Variants in NEK4 observed in about 807,000 individuals in gnomAD.
The protein encoded by NEK4 is NIMA related kinase 4.
In NEK4, 86 loss-of-function variants were observed where a neutral mutation model predicts 98.4. The observed-to-expected ratio is 0.87, with a 90% CI of 0.73 to 1.05. The LOEUF (loss-of-function observed/expected upper bound fraction) is 1.05. Among genes scored for constraint, NEK4 ranks in the 50% least tolerant of loss-of-function variants. The pLI, the probability that NEK4 is intolerant of heterozygous loss-of-function variation, is 0.00. For synonymous variants in NEK4, 328 were observed against 342.2 expected, an observed-to-expected ratio of 0.96 and a Z score of 0.46; for missense variants, 898 against 950.3, an observed-to-expected ratio of 0.94 and a Z score of 0.72.
chr3:52,748,163 T>A lies in NEK4; in HGVS notation c.1507-1259A>T, dbSNP rs1024824696. Among the ~76,000 whole-genome samples the A allele has an allele frequency of 7.9e-5, 12 of 151,536 alleles. No individual in the cohort carries two copies. The East Asian group carries it at 2.1e-3, about 27-fold the overall frequency. On this transcript the variant is annotated intron_variant, in intron 8 of 15. Transcript: ENST00000233027. ...TTTGTATTTTTAGTAGAGACGGCGT[T>A]TCACTGTGTTAGCCAGGATGGTCTC...
Position 52,710,214 on chromosome 3 carries a change from A to AATT in NEK4, c.*1560_*1562dup, listed in dbSNP as rs1410075685. 6.6e-6 allele frequency: 1 copy of AATT among 151,554 alleles called. No individual in the cohort carries two copies. Among genetic ancestry groups the AATT allele is most frequent in the Non-Finnish European group, 1.5e-5 (1 of 67,880 alleles). 9.4% of individuals were successfully genotyped at this position (151,554 alleles called of 1,614,324 possible). ...TGTCTCTACTAAAAAAATACAAAAA[A>AATT]ATTAGCCGGGCATGGTGGCGGGCAA... On this transcript the variant is annotated 3_prime_UTR_variant, in exon 16 of 16. Transcript: ENST00000233027.
intron 15 of NEK4, among the ~76,000 whole-genome samples, chr3:52,714,559 A>G (rs1187807727): frequency 6.6e-6 from 1 of 152,118 alleles, no homozygotes; most frequent in Non-Finnish European, 1.5e-5. Context: ...AGCTGTGGGG[A>G]GGGCAAGGGG....
At chr3:52,733,906 A>G (rs1313181312) in intron 15 of NEK4, 1 of 288,734 alleles carries the variant, frequency 3.5e-6, no homozygotes, top group African/African-American at 2.2e-5. Flanking sequence ...CATAGCTAAC[A>G]CAACATTGGA....
chr3:52,718,995 G>A (rs1474675402), intron 15 of NEK4, among the ~76,000 whole-genome samples: 1 of 152,176 alleles, frequency 6.6e-6, no homozygotes, highest in African/African-American at 2.4e-5. Flanking sequence ...AACCTCAGGT[G>A]ATCTGCCCGC....
At chr3:52,714,996 C>T (rs2097353836) in intron 15 of NEK4, among the ~76,000 whole-genome samples, 3 of 152,214 alleles carry the variant, frequency 2.0e-5, no homozygotes, top group Admixed American at 1.3e-4. Flanking sequence ...CACTGGCCTG[C>T]ACGTGTACCG....
intron 12 of NEK4, among the ~76,000 whole-genome samples, chr3:52,741,972 G>A (rs567469223): frequency 6.6e-6 from 1 of 152,196 alleles, no homozygotes; most frequent in Admixed American, 6.5e-5. Context: ...TAGAGACAGG[G>A]TTTCACCATG....
intron 15 of NEK4, among the ~76,000 whole-genome samples, chr3:52,729,390 C>A (rs754200084): frequency 6.6e-6 from 1 of 151,782 alleles, no homozygotes; most frequent in East Asian, 1.9e-4. Flanking sequence ...GGGGATGGAG[C>A]GAAAGCCTGT....
chr3:52,763,435 A>G (rs199673963), intron 5 of NEK4, 35 bp downstream of exon 5: 60 of 1,591,780 alleles, frequency 3.8e-5, no homozygotes, highest in Non-Finnish European at 4.9e-5. Context: ...CACCCCATCT[A>G]TTTAGCCCAG....
rs757381503 is a variant in NEK4, at chr3:52,752,353, T to C, written c.964-17A>G. 3.1e-6 allele frequency: 5 copies of C among 1,601,844 alleles called. No individual in the cohort carries two copies. Among genetic ancestry groups the C allele is most frequent in the Non-Finnish European group, 2.6e-6 (3 of 1,174,042 alleles). On this transcript the variant is annotated splice_polypyrimidine_tract_variant and intron_variant, in intron 6 of 15. Coordinates refer to ENST00000233027, the MANE Select transcript of NEK4 (RefSeq NM_003157.6). ...GCCTTCACCCTGAATGAAAAGATGT[T>C]TGGAAATTATTATAGCACTCCTCAT...
rs1361687122 is a variant in NEK4 at position 52,718,778 on chromosome 3, A to C, written c.2434-6909T>G. Among the ~76,000 whole-genome samples the C allele has an allele frequency of 1.3e-5, 2 of 151,984 alleles. 1 individual carries two copies. Among genetic ancestry groups the C allele is most frequent in the African/African-American group, 4.8e-5 (2 of 41,394 alleles). ...TGTTAGGCCCTTTTTTTTGAGACGG[A>C]GTTCCGCTCTCGTTGCCCAGGCTGG... On this transcript the variant is annotated intron_variant, in intron 15 of 15. Transcript: ENST00000233027.
At position 52,763,598 on chromosome 3, in the gene NEK4, G is replaced by T; in HGVS notation, c.693C>A (p.Ser231Arg). ...GKLPPMPRDY[S>R]PELAELIRTM... The stretch of plus-strand genomic sequence containing the variant: ...TTCTTATCAGTTCTGCCAGCTCTGG[G>T]CTGTAATCTCTTGGCATTGGTGGCA... Residue 231 changes from serine (S) to arginine (R), a missense_variant, in exon 5 of 16, where the codon AGC (serine) becomes AGA (arginine). Coordinates refer to ENST00000233027, the MANE Select transcript of NEK4 (RefSeq NM_003157.6). The T allele has an allele frequency of 6.2e-7, 1 of 1,606,182 alleles. No individual in the cohort carries two copies. Among genetic ancestry groups the T allele is most frequent in the South Asian group, 1.1e-5 (1 of 89,296 alleles).
intron 14 of NEK4, among the ~76,000 whole-genome samples, chr3:52,738,114 A>AT (rs749656278): frequency 0.024 from 3,552 of 145,032 alleles, 58 homozygotes; most frequent in Middle Eastern, 0.043. Context: ...CACCCGGCCT[A>AT]TTTTTTTTTT....
chr3:52,712,045 GAAATT>G (rs1213758134), intron 15 of NEK4, among the ~76,000 whole-genome samples, 176 bp from the exon 16 acceptor site: 1 of 152,154 alleles, frequency 6.6e-6, no homozygotes, highest in Non-Finnish European at 1.5e-5. Flanking sequence ...AAAGTCGTAA[GAAATT>G]AAAGAGCAAA....
intron 5 of NEK4, among the ~76,000 whole-genome samples, chr3:52,761,239 CAAAG>C (rs1698343884): frequency 6.6e-6 from 1 of 152,026 alleles, no homozygotes; most frequent in African/African-American, 2.4e-5. Context: ...TGGTGAAAGC[CAAAG>C]AAAGTCTGGA....
At chr3:52,770,131 G>A (rs1422724562) in intron 1 of NEK4, among the ~76,000 whole-genome samples, 1 of 152,152 alleles carries the variant, frequency 6.6e-6, no homozygotes, top group African/African-American at 2.4e-5. Flanking sequence ...GGCAACTGGT[G>A]GGTTGGTGTC....
chr3:52,749,660 C>T (rs748125273), intron 8 of NEK4, 32 bp downstream of exon 8: 14 of 237,428 alleles, frequency 5.9e-5, no homozygotes, highest in Non-Finnish European at 1.0e-4. Context: ...ATGGTAAAAC[C>T]CCATCTCTGC....
In NEK4 at chr3:52,749,726, A is replaced by G; in HGVS notation, c.1472T>C (p.Val491Ala). ...SSDSPASASR[V>A]AGITGVCHHA... ...GTGGCACACGCCTGTAATCCCAGCT[A>G]CTCGGGAGGCTGAGGCTGGAGAATC... is the stretch of plus-strand genomic sequence containing the variant. Residue 491 changes from valine (V) to alanine (A), a missense_variant, in exon 8 of 16, where the codon GTA (valine) becomes GCA (alanine). Physicochemically the swap from Val to Ala is moderately conservative, Grantham distance 64. Coordinates refer to ENST00000233027, the MANE Select transcript of NEK4 (RefSeq NM_003157.6). 1 of 225,728 alleles carries G rather than the reference A, an allele frequency of 4.4e-6. No homozygotes were observed. Among genetic ancestry groups the G allele is most frequent in the South Asian group, 4.4e-5 (1 of 22,920 alleles). The allele number at this position is 225,728 out of a possible 1,614,324, so 14.0% of individuals were successfully genotyped here. A position where few individuals can be genotyped will look rare whatever the true frequency, so the allele number is the denominator to read the frequency against.
chr3:52,769,926 T>C lies in NEK4; in HGVS notation c.93+728A>G, dbSNP rs187482908. Among the ~76,000 whole-genome samples the C allele has an allele frequency of 4.3e-3, 657 of 152,196 alleles. 2 individuals carry two copies. The highest frequency in any genetic ancestry group is 6.9e-3 in the Non-Finnish European group (467 of 68,002). Reference sequence around the variant, plus strand: ...CTGAGGCTGCAGTGAAAGTGATGGATTGGAGAAAAGCAAGTCAAGTGGCGG... The same window carrying C: ...CTGAGGCTGCAGTGAAAGTGATGGACTGGAGAAAAGCAAGTCAAGTGGCGG... On this transcript the variant is annotated intron_variant, in intron 1 of 15. Coordinates refer to ENST00000233027, the MANE Select transcript of NEK4 (RefSeq NM_003157.6).
chr3:52,723,111 G>A (rs188092219), intron 15 of NEK4, among the ~76,000 whole-genome samples: 5 of 152,068 alleles, frequency 3.3e-5, no homozygotes, highest in East Asian at 3.9e-4. Context: ...AAGCTAAGGC[G>A]GGAGGATCAC....
Sources: allele counts gnomAD v4.1 joint callset (sites outside exome capture counted in the v4.1 genomes callset), GRCh38; gene constraint gnomAD v4.1.1; transcripts MANE v1.5; gene names NCBI Gene and HGNC (gene_info 2026-07-23, HGNC 2026-07-21).